MTHFD1L: variants seen among roughly 807,000 people sequenced by gnomAD.
The protein encoded by MTHFD1L is methylenetetrahydrofolate dehydrogenase (NADP+ dependent) 1 like, also known as monofunctional C1-tetrahydrofolate synthase, mitochondrial.
MTHFD1L carries 81 observed loss-of-function variants against 119.5 expected under a neutral mutation model. That is an observed-to-expected ratio of 0.68 (90% confidence interval 0.57 to 0.82). MTHFD1L has a LOEUF of 0.82. Among genes scored for constraint, MTHFD1L ranks in the 40% least tolerant of loss-of-function variants. MTHFD1L has a pLI of 0.00. For missense variants in MTHFD1L, 1,125 were observed against 1,253.4 expected (o/e 0.90, Z 1.55); for synonymous variants, 430 against 475.2 (o/e 0.90, Z 1.24).
chr6:151,075,543 T>C (rs777703271), intron 26 of MTHFD1L, among the ~76,000 whole-genome samples: 1 of 152,008 alleles, frequency 6.6e-6, no homozygotes, highest in Non-Finnish European at 1.5e-5. Flanking sequence ...TCCACAAATA[T>C]AGTCAGAATT....
intron 10 of MTHFD1L, 125 bp downstream of exon 10, chr6:150,922,427 T>C (rs961826706): frequency 1.0e-5 from 6 of 574,650 alleles, no homozygotes; most frequent in African/African-American, 1.8e-5. Context: ...TCTCTATTCA[T>C]TAAATTGCCA....
intron 2 of MTHFD1L, among the ~76,000 whole-genome samples, chr6:150,876,511 G>A (rs1354717252): frequency 6.6e-6 from 1 of 152,232 alleles, no homozygotes; most frequent in African/African-American, 2.4e-5. Context: ...GGGGGAAAAA[G>A]TGGCACTTTG....
chr6:150,971,424 C>T (rs558135343), intron 19 of MTHFD1L, among the ~76,000 whole-genome samples: 1 of 152,132 alleles, frequency 6.6e-6, no homozygotes, highest in African/African-American at 2.4e-5. Context: ...GTCTTGAACT[C>T]CTGACCTCAG....
intron 24 of MTHFD1L, among the ~76,000 whole-genome samples, chr6:151,032,193 TC>T (rs1237524189): frequency 2.0e-5 from 3 of 152,360 alleles, no homozygotes; most frequent in Admixed American, 6.5e-5. Flanking sequence ...TATAAAGGCA[TC>T]CCTGAGACTG....
chr6:150,959,189 C>T (rs1355349936), intron 17 of MTHFD1L: 1 of 984,554 alleles, frequency 1.0e-6, no homozygotes, highest in African/African-American at 1.7e-5. Context: ...GTGACTAATG[C>T]AATCTCAACC....
chr6:150,957,976 T>C (rs1485954268), intron 17 of MTHFD1L, among the ~76,000 whole-genome samples: 1 of 152,172 alleles, frequency 6.6e-6, no homozygotes, highest in Non-Finnish European at 1.5e-5. Context: ...GTTTAGGTAC[T>C]GGAGAGATGG....
At chr6:150,997,866 G>T (rs541247404) in intron 20 of MTHFD1L, among the ~76,000 whole-genome samples, 1 of 152,354 alleles carries the variant, frequency 6.6e-6, no homozygotes, top group South Asian at 2.1e-4. Flanking sequence ...AAACTGAGCA[G>T]ATTCTTTAGG....
chr6:150,965,141 A>AACCCTCAACT, intron 19 of MTHFD1L, 104 bp downstream of exon 19: 1 of 963,276 alleles, frequency 1.0e-6, no homozygotes. Flanking sequence ...TGCCTGGGGC[A>AACCCTCAACT]GCAGTGTGCT....
rs1002579900 is a variant in MTHFD1L, at chr6:151,034,381, G to A, written c.2587-112G>A. ...CTAGGAATCCTGCAGTTGCTGAGGG[G>A]GTACTCTGATAAGGGAATTTTAAGC... On this transcript the variant is annotated intron_variant, in intron 24 of 27. Coordinates refer to ENST00000367321, the MANE Select transcript of MTHFD1L (RefSeq NM_015440.5). 101 of 719,552 alleles carry A rather than the reference G, an allele frequency of 1.4e-4. 1 individual carries two copies. Among genetic ancestry groups the A allele is most frequent in the South Asian group, 1.1e-3 (61 of 57,816 alleles). The allele number at this position is 719,552 out of a possible 1,614,324, so 44.6% of individuals were successfully genotyped here.
At chr6:150,942,932 A>C (rs115026404) in intron 13 of MTHFD1L, among the ~76,000 whole-genome samples, 1 of 152,330 alleles carries the variant, frequency 6.6e-6, no homozygotes, top group African/African-American at 2.4e-5. Flanking sequence ...CTGATCTACT[A>C]CTAGTGTTTT....
chr6:151,081,431 T>C (rs1158977698), intron 26 of MTHFD1L, among the ~76,000 whole-genome samples: 1 of 147,480 alleles, frequency 6.8e-6, no homozygotes. Context: ...GGTGCGCAGA[T>C]CACCTGAGGT....
chr6:151,019,563 C>T (rs1239793895), intron 24 of MTHFD1L, among the ~76,000 whole-genome samples: 2 of 152,146 alleles, frequency 1.3e-5, no homozygotes, highest in African/African-American at 2.4e-5. Context: ...TATTGATAGG[C>T]GACCTCAAGG....
chr6:151,077,771 T>G (rs187250713), intron 26 of MTHFD1L, among the ~76,000 whole-genome samples: 1 of 151,240 alleles, frequency 6.6e-6, no homozygotes, highest in African/African-American at 2.4e-5. Flanking sequence ...TCTTCAAAAT[T>G]CAAGGAAAAT....
intron 26 of MTHFD1L, among the ~76,000 whole-genome samples, chr6:151,043,938 G>A (rs1283406383): frequency 6.6e-6 from 1 of 152,218 alleles, no homozygotes; most frequent in Non-Finnish European, 1.5e-5. Flanking sequence ...CAAATTTAAT[G>A]AGGAAAAAGA....
At chr6:151,015,942 G>A (rs1782986187) in intron 24 of MTHFD1L, among the ~76,000 whole-genome samples, 1 of 152,164 alleles carries the variant, frequency 6.6e-6, no homozygotes, top group Non-Finnish European at 1.5e-5. Context: ...CAAAAATTAG[G>A]TGGGCATGGT....
chr6:151,072,560 C>A (rs374642576), intron 26 of MTHFD1L, among the ~76,000 whole-genome samples: 19 of 151,998 alleles, frequency 1.3e-4, no homozygotes, highest in Middle Eastern at 3.4e-3. Context: ...GAGGCTGAGG[C>A]GGCAGATCAC....
At chr6:150,982,628 G>A (rs766530130) in intron 20 of MTHFD1L, among the ~76,000 whole-genome samples, 9 of 151,848 alleles carry the variant, frequency 5.9e-5, no homozygotes, top group African/African-American at 9.7e-5. Context: ...GTTCTGCAAC[G>A]TAATACCAAT....
At chr6:151,064,807 T>G (rs1449340825) in intron 26 of MTHFD1L, among the ~76,000 whole-genome samples, 1 of 151,830 alleles carries the variant, frequency 6.6e-6, no homozygotes, top group Non-Finnish European at 1.5e-5. Context: ...TTTGTTTTTT[T>G]GTTTTTTTGT....
intron 26 of MTHFD1L, among the ~76,000 whole-genome samples, chr6:151,069,944 A>C (rs184705954): frequency 1.3e-4 from 20 of 152,308 alleles, no homozygotes; most frequent in Non-Finnish European, 2.8e-4. Context: ...CGATGAGTAC[A>C]TGCTGCTTTT....
Sources: allele counts gnomAD v4.1 joint callset (sites outside exome capture counted in the v4.1 genomes callset), GRCh38; gene constraint gnomAD v4.1.1; transcripts MANE v1.5; gene names NCBI Gene and HGNC (gene_info 2026-07-23, HGNC 2026-07-21).